PAFAH1B2: variants seen among roughly 807,000 people sequenced by gnomAD.
PAFAH1B2 encodes platelet activating factor acetylhydrolase 1b catalytic subunit 2.
In PAFAH1B2, 8 loss-of-function variants were observed where a neutral mutation model predicts 28.0. The ratio of observed to expected loss-of-function variants is 0.29; its 90% confidence interval spans 0.17 to 0.52. The LOEUF (loss-of-function observed/expected upper bound fraction) is 0.52, where lower values mean the gene tolerates loss of function less well. PAFAH1B2 is among the 20% of genes least tolerant of loss of function. The pLI is 0.97. For synonymous variants in PAFAH1B2, 104 were observed against 103.2 expected, an observed-to-expected ratio of 1.01 and a Z score of -0.05; for missense variants, 190 against 282.6, an observed-to-expected ratio of 0.67 and a Z score of 2.35.
downstream of PAFAH1B2, chr11:117,175,462 G>C (rs1244429457): frequency 1.5e-5 from 16 of 1,075,694 alleles, no homozygotes; most frequent in Non-Finnish European, 1.8e-5. Context: ...CTCCCACTCT[G>C]TAGACGCAGG....
intron 3 of PAFAH1B2, 69 bp downstream of exon 3, chr11:117,160,092 C>A (rs1956341250): frequency 9.3e-7 from 1 of 1,072,372 alleles, no homozygotes; most frequent in Non-Finnish European, 1.5e-6. Context: ...AACAGACTTT[C>A]ATTCTGAGCT....
intron 2 of PAFAH1B2, among the ~76,000 whole-genome samples, chr11:117,153,716 T>C (rs563657303): frequency 1.3e-5 from 2 of 152,156 alleles, no homozygotes; most frequent in African/African-American, 4.8e-5. Flanking sequence ...TCTATATGTA[T>C]ATACTAACGT....
At chr11:117,153,496 T>C (rs1252500064) in intron 2 of PAFAH1B2, among the ~76,000 whole-genome samples, 3 of 152,164 alleles carry the variant, frequency 2.0e-5, no homozygotes, top group Non-Finnish European at 4.4e-5. Flanking sequence ...GTTCAAGATA[T>C]TCTTGTGTCT....
downstream of PAFAH1B2, chr11:117,171,572 G>C: frequency 2.8e-6 from 2 of 725,326 alleles, no homozygotes; most frequent in Non-Finnish European, 4.8e-6. Flanking sequence ...CTACAGCATA[G>C]AGGACATGAA....
chr11:117,171,717 A>G (rs1956655499), downstream of PAFAH1B2: 4 of 1,535,992 alleles, frequency 2.6e-6, no homozygotes, highest in Non-Finnish European at 3.5e-6. Context: ...CTGATGACAC[A>G]CCAGCAACTA....
At position 117,170,930 on chromosome 11, in the gene PAFAH1B2, C is replaced by G; in HGVS notation, c.*3231C>G. ...CCTGCTTGGGGATCACTGCTGCTAG[C>G]TGACTGGACCTCCCCATTGGAAGTT... On this transcript the variant is annotated 3_prime_UTR_variant, in exon 6 of 6. Coordinates refer to ENST00000527958, the MANE Select transcript of PAFAH1B2 (RefSeq NM_002572.4). 1.0e-5 allele frequency: 11 copies of G among 1,058,022 alleles called. No homozygotes were observed. Among genetic ancestry groups the G allele is most frequent in the Non-Finnish European group, 1.3e-5 (11 of 874,662 alleles). 65.5% of individuals were successfully genotyped at this position (1,058,022 alleles called of 1,614,324 possible). A position where few individuals can be genotyped will look rare whatever the true frequency, so the allele number is the denominator to read the frequency against.
At chr11:117,159,872 T>A in intron 2 of PAFAH1B2, 62 bp from the exon 3 acceptor site, 1 of 1,204,466 alleles carries the variant, frequency 8.3e-7, no homozygotes, top group East Asian at 2.3e-5. Context: ...AGTTCAAGCA[T>A]GGGCCACCAC....
At chr11:117,148,311 C>T (rs1303426079) in intron 1 of PAFAH1B2, among the ~76,000 whole-genome samples, 1 of 152,080 alleles carries the variant, frequency 6.6e-6, no homozygotes, top group Non-Finnish European at 1.5e-5. Context: ...CCTCGGCCCC[C>T]CCAAAATGCT....
At chr11:117,159,858 T>C in intron 2 of PAFAH1B2, 76 bp from the exon 3 acceptor site, 1 of 1,010,912 alleles carries the variant, frequency 9.9e-7, no homozygotes, top group Non-Finnish European at 1.6e-6. Flanking sequence ...CCCAAAATGT[T>C]GAGAGTTCAA....
At chr11:117,174,867 G>T, downstream of PAFAH1B2, 1 of 1,420,588 alleles carries the variant, frequency 7.0e-7, no homozygotes, top group Non-Finnish European at 9.4e-7. Flanking sequence ...CAACCGCCTT[G>T]GCCTCCCAAA....
In PAFAH1B2 at chr11:117,150,126, T is replaced by C. The variant is rs182672520; in HGVS notation, c.-7-2315T>C. The stretch of plus-strand genomic sequence containing the variant: ...AAACTTTTATGTAGAAAGTATAGAA[T>C]GTTTTACTGGTTTAAAAATAAAGCA... On this transcript the variant is annotated intron_variant, in intron 1 of 5. Coordinates refer to ENST00000527958, the MANE Select transcript of PAFAH1B2 (RefSeq NM_002572.4). Among the ~76,000 whole-genome samples the C allele has an allele frequency of 7.9e-5, 12 of 152,322 alleles. No individual in the cohort carries two copies. The East Asian group carries it at 1.2e-3, about 15-fold the overall frequency.
intron 5 of PAFAH1B2, among the ~76,000 whole-genome samples, chr11:117,165,066 C>T (rs960619435): frequency 5.3e-5 from 8 of 150,020 alleles, no homozygotes; most frequent in Admixed American, 1.3e-4. Flanking sequence ...CACCATTCTC[C>T]TGCCTCAGCC....
intron 4 of PAFAH1B2, among the ~76,000 whole-genome samples, chr11:117,163,486 ACGTGGTG>A (rs1956422940): frequency 6.6e-6 from 1 of 152,178 alleles, no homozygotes; most frequent in Admixed American, 6.5e-5. Context: ...AGCCTGGGCA[ACGTGGTG>A]AAACCCTGGT....
chr11:117,171,520 A>G (rs1384543119), downstream of PAFAH1B2: 4 of 585,660 alleles, frequency 6.8e-6, no homozygotes, highest in East Asian at 5.6e-5. Context: ...TGGGCAACAG[A>G]GCGAGACTCT....
intron 5 of PAFAH1B2, among the ~76,000 whole-genome samples, chr11:117,164,956 T>C (rs1327283546): frequency 1.1e-5 from 1 of 93,428 alleles, no homozygotes; most frequent in Non-Finnish European, 2.9e-5. Flanking sequence ...AATTTCTTTT[T>C]TCTTTTTTTT....
intron 1 of PAFAH1B2, among the ~76,000 whole-genome samples, chr11:117,150,022 C>A (rs557576096): frequency 5.0e-4 from 76 of 152,056 alleles, no homozygotes; most frequent in African/African-American, 1.7e-3. Context: ...AAAAAAAAGA[C>A]CTTGTCTCAA....
At chr11:117,173,088 G>T (rs1238197462), downstream of PAFAH1B2, among the ~76,000 whole-genome samples, 1 of 152,240 alleles carries the variant, frequency 6.6e-6, no homozygotes, top group Non-Finnish European at 1.5e-5. Flanking sequence ...ATCTTTGGAG[G>T]CAGAGATTTG....
downstream of PAFAH1B2, among the ~76,000 whole-genome samples, chr11:117,173,307 A>G (rs577690872): frequency 1.3e-5 from 2 of 152,308 alleles, no homozygotes; most frequent in Admixed American, 6.5e-5. Flanking sequence ...AGTACTGCCC[A>G]CTTGGTCAGA....
chr11:117,165,926 G>A (rs532957802), intron 5 of PAFAH1B2, among the ~76,000 whole-genome samples: 4 of 151,362 alleles, frequency 2.6e-5, no homozygotes, highest in Admixed American at 6.6e-5. Context: ...TGCAACCTCC[G>A]CCTCCCGGGT....
Sources: allele counts gnomAD v4.1 joint callset (sites outside exome capture counted in the v4.1 genomes callset), GRCh38; gene constraint gnomAD v4.1.1; transcripts MANE v1.5; gene names NCBI Gene and HGNC (gene_info 2026-07-23, HGNC 2026-07-21).